The following KCNJ15 variants were observed in gnomAD, a reference collection of about 807,000 sequenced individuals.
KCNJ15 encodes ATP-sensitive inward rectifier potassium channel 15.
A neutral mutation model predicts 23.0 loss-of-function variants in KCNJ15; 14 were observed. That is an observed-to-expected ratio of 0.61 (90% CI 0.40 to 0.95). KCNJ15 has a LOEUF of 0.95. KCNJ15 is among the 40% of genes least tolerant of loss of function. The pLI is 0.00. For synonymous variants in KCNJ15, 185 were observed against 183.2 expected (o/e 1.01, Z -0.08); for missense variants, 388 against 461.8 (o/e 0.84, Z 1.46).
chr21:38,254,565 G>T (rs1980057967), upstream of KCNJ15, among the ~76,000 whole-genome samples: 1 of 152,162 alleles, frequency 6.6e-6, no homozygotes, highest in East Asian at 1.9e-4. Flanking sequence ...AATTCATGCA[G>T]TATGTAACTC....
intron 1 of KCNJ15, among the ~76,000 whole-genome samples, chr21:38,292,689 T>G (rs1984729877): frequency 6.6e-6 from 1 of 152,106 alleles, no homozygotes; most frequent in Admixed American, 6.6e-5. Context: ...CACAACTCAG[T>G]TGGGTGCAGT....
chr21:38,275,392 G>A (rs1266176550), intron 1 of KCNJ15, among the ~76,000 whole-genome samples: 3 of 151,856 alleles, frequency 2.0e-5, no homozygotes, highest in Non-Finnish European at 4.4e-5. Context: ...CAGTGTATCT[G>A]AAGAAAGTAA....
chr21:38,231,852 T>C (rs1160176868), intron 1 of KCNJ15, among the ~76,000 whole-genome samples: 1 of 151,932 alleles, frequency 6.6e-6, no homozygotes, highest in Admixed American at 6.6e-5. Flanking sequence ...TTTTTGTATG[T>C]ATCCATATTT....
Position 38,302,056 on chromosome 21 carries a change from ACGCG to A in KCNJ15, c.*1669_*1672del, listed in dbSNP as rs1375754853. ...CGTAAACACATGCACACATGCACACACGCGCACACATGCACACACGCACACACTT... is the reference window on the plus strand; with the variant it reads ...CGTAAACACATGCACACATGCACACACACACATGCACACACGCACACACTT... On this transcript the variant is annotated 3_prime_UTR_variant, in exon 3 of 3. Transcript: ENST00000398938. 3 of 126,186 alleles carry A rather than the reference ACGCG, an allele frequency of 2.4e-5. No individual in the cohort carries two copies. The highest frequency in any genetic ancestry group is 1.6e-4 in the African/African-American group (3 of 19,182). 7.8% of individuals were successfully genotyped at this position (126,186 alleles called of 1,614,324 possible).
At chr21:38,257,973 A>G (rs1399012941) in intron 1 of KCNJ15, among the ~76,000 whole-genome samples, 1 of 152,210 alleles carries the variant, frequency 6.6e-6, no homozygotes. Flanking sequence ...AAAACTTACA[A>G]CGAATGTAGT....
chr21:38,304,221 G>C lies in KCNJ15; in HGVS notation c.*3832G>C, dbSNP rs1455778936. The C allele has an allele frequency of 6.7e-6, 1 of 150,154 alleles. No individual in the cohort carries two copies. The highest frequency in any genetic ancestry group is 2.0e-4 in the East Asian group (1 of 5,096). The allele number at this position is 150,154 out of a possible 1,614,324, so 9.3% of individuals were successfully genotyped here. ...CCCATTAACTCGTCATTTAGCATTA[G>C]GTATATCTCCTAATGCTATCCCTCC... On this transcript the variant is annotated 3_prime_UTR_variant, in exon 3 of 3. Transcript: ENST00000398938.
At chr21:38,283,107 C>T (rs1017525454) in intron 1 of KCNJ15, among the ~76,000 whole-genome samples, 2 of 151,892 alleles carry the variant, frequency 1.3e-5, no homozygotes, top group Non-Finnish European at 1.5e-5. Context: ...TGACTGAAAA[C>T]TAGGTTCTTG....
intron 1 of KCNJ15, among the ~76,000 whole-genome samples, chr21:38,230,755 G>C (rs1468514592): frequency 6.6e-6 from 1 of 151,736 alleles, no homozygotes; most frequent in East Asian, 1.9e-4. Flanking sequence ...GTTTACTTTT[G>C]GGCTTTCAAT....
intron 1 of KCNJ15, among the ~76,000 whole-genome samples, chr21:38,261,397 A>C (rs1342535638): frequency 2.6e-5 from 4 of 152,140 alleles, no homozygotes; most frequent in Non-Finnish European, 5.9e-5. Context: ...TGATAAATCC[A>C]CTCTGTGTCA....
intron 1 of KCNJ15, among the ~76,000 whole-genome samples, chr21:38,262,516 A>G (rs1981021048): frequency 6.6e-6 from 1 of 152,216 alleles, no homozygotes; most frequent in Admixed American, 6.5e-5. Flanking sequence ...CCCAATGTCA[A>G]CAACATCAGA....
chr21:38,259,244 C>T (rs1980621381), intron 1 of KCNJ15, among the ~76,000 whole-genome samples: 1 of 152,166 alleles, frequency 6.6e-6, no homozygotes, highest in Non-Finnish European at 1.5e-5. Flanking sequence ...TACTTTGCCT[C>T]AGAGTCCAGG....
Position 38,300,077 on chromosome 21 carries a change from A to G in KCNJ15, c.816A>G (p.Leu272=), listed in dbSNP as rs1985615017. Residue 272 remains leucine, a synonymous_variant, in exon 3 of 3, where the codon CTA becomes CTG. Transcript: ENST00000398938. ...SPLRDLTPQN[L]KEKEFELVVL... ...TGAGAGACCTCACACCCCAAAACCTAAAGGAGAAGGAGTTTGAGCTTGTGG... is the reference window on the plus strand; with the variant it reads ...TGAGAGACCTCACACCCCAAAACCTGAAGGAGAAGGAGTTTGAGCTTGTGG... The G allele has an allele frequency of 3.7e-6, 6 of 1,614,038 alleles. No homozygotes were observed. The highest frequency in any genetic ancestry group is 5.1e-6 in the Non-Finnish European group (6 of 1,179,994).
chr21:38,297,914 C>T (rs1985325846), intron 2 of KCNJ15, among the ~76,000 whole-genome samples: 1 of 152,166 alleles, frequency 6.6e-6, no homozygotes, highest in Non-Finnish European at 1.5e-5. Context: ...CAGGTGTTTG[C>T]TGCTAATGGA....
At chr21:38,284,022 G>A (rs578156740) in intron 1 of KCNJ15, among the ~76,000 whole-genome samples, 5 of 152,206 alleles carry the variant, frequency 3.3e-5, no homozygotes, top group Admixed American at 6.5e-5. Context: ...AATTCCACTC[G>A]TTGGCTTATG....
At chr21:38,276,476 T>C (rs1982712054) in intron 1 of KCNJ15, among the ~76,000 whole-genome samples, 1 of 152,044 alleles carries the variant, frequency 6.6e-6, no homozygotes, top group Admixed American at 6.6e-5. Context: ...TTTAAAATGG[T>C]AATAGGAATA....
At chr21:38,270,894 A>G (rs897342545) in intron 1 of KCNJ15, among the ~76,000 whole-genome samples, 3 of 152,244 alleles carry the variant, frequency 2.0e-5, no homozygotes, top group African/African-American at 7.2e-5. Flanking sequence ...ACCTGGGTCA[A>G]TGTAGAATTC....
chr21:38,274,657 C>T (rs1380125985), intron 1 of KCNJ15, among the ~76,000 whole-genome samples: 1 of 152,090 alleles, frequency 6.6e-6, no homozygotes, highest in Non-Finnish European at 1.5e-5. Flanking sequence ...TCTGTCTTAC[C>T]TCCCTAATAA....
upstream of KCNJ15, among the ~76,000 whole-genome samples, chr21:38,256,356 C>A (rs1409146564): frequency 1.9e-5 from 1 of 51,334 alleles, no homozygotes; most frequent in Non-Finnish European, 4.5e-5. Context: ...CATGTCTATT[C>A]AGCTTATATA....
rs71184612 is a variant in KCNJ15 at position 38,288,030 on chromosome 21, G to GTTTTTTTTTTTTTTT, written c.-116-8882_-116-8868dup. Among the ~76,000 whole-genome samples the GTTTTTTTTTTTTTTT allele has an allele frequency of 3.7e-4, 30 of 81,450 alleles. 2 individuals are homozygous for GTTTTTTTTTTTTTTT. Among genetic ancestry groups the GTTTTTTTTTTTTTTT allele is most frequent in the African/African-American group, 5.0e-4 (10 of 19,902 alleles). The allele number at this position is 81,450 out of a possible 152,430, so 53.4% of individuals were successfully genotyped here. ...TGTTAAATAACTTGTTTTTTTCTTT[G>GTTTTTTTTTTTTTTT]TTTTTTTTTTTTTTTTTTTTTTTTT... On this transcript the variant is annotated intron_variant, in intron 1 of 2. Transcript: ENST00000398938.
Sources: allele counts gnomAD v4.1 joint callset (sites outside exome capture counted in the v4.1 genomes callset), GRCh38; gene constraint gnomAD v4.1.1; transcripts MANE v1.5; gene names NCBI Gene and HGNC (gene_info 2026-07-23, HGNC 2026-07-21).